MYO5A: variants seen among roughly 807,000 people sequenced by gnomAD.
The protein encoded by MYO5A is unconventional myosin-Va.
In MYO5A, 98 loss-of-function variants were observed where a neutral mutation model predicts 249.7. The observed-to-expected ratio is 0.39, with a 90% CI of 0.33 to 0.46. The LOEUF is 0.46. Among genes scored for constraint, MYO5A ranks in the 20% least tolerant of loss-of-function variants. MYO5A has a pLI of 0.98. For synonymous variants in MYO5A, 778 were observed against 810.6 expected (o/e 0.96, Z 0.68); for missense variants, 1,696 against 2,308.8 (o/e 0.73, Z 5.44).
intron 1 of MYO5A, among the ~76,000 whole-genome samples, chr15:52,472,095 TGA>T (rs1396826589): frequency 7.7e-6 from 1 of 129,038 alleles, no homozygotes; most frequent in East Asian, 2.3e-4. Flanking sequence ...TTTTTTTTTT[TGA>T]GATGGAGTCT....
intron 35 of MYO5A, 129 bp from the exon 36 acceptor site, chr15:52,328,135 G>A: frequency 1.3e-6 from 1 of 754,158 alleles, no homozygotes; most frequent in East Asian, 2.8e-5. Context: ...TATAAAAAGT[G>A]TATTTTAATA....
chr15:52,370,796 T>C (rs2041065358), intron 21 of MYO5A, among the ~76,000 whole-genome samples: 1 of 152,146 alleles, frequency 6.6e-6, no homozygotes. Context: ...TAGTGATGCG[T>C]ACGAATGATT....
chr15:52,348,422 G>A (rs1413190743), intron 29 of MYO5A, among the ~76,000 whole-genome samples: 1 of 152,174 alleles, frequency 6.6e-6, no homozygotes, highest in Non-Finnish European at 1.5e-5. Context: ...AGTGTGCTCA[G>A]CTCCTCAGGC....
chr15:52,369,915 C>T (rs938046875), intron 22 of MYO5A, among the ~76,000 whole-genome samples: 3 of 123,796 alleles, frequency 2.4e-5, no homozygotes, highest in Non-Finnish European at 4.8e-5. Context: ...TTAGTAGGTA[C>T]TTGGCCATTC....
rs775956371 is a variant in MYO5A, at chr15:52,376,374, C to T, written c.2393G>A (p.Arg798Lys). The stretch of plus-strand genomic sequence containing the variant: ...TCGGGCCTGGTAGCCCCGCACGTAT[C>T]TCTGCATGGTGATGGCTGCCTTCCG... ...RMRKAAITMQ[R>K]YVRGYQARCY... The change falls in exon 19 of 42, where the codon AGA (arginine) becomes AAA (lysine). Residue 798 changes from arginine to lysine, a missense_variant. By Grantham distance (26) the Arg-to-Lys change is conservative. Coordinates refer to ENST00000399233, the MANE Select transcript of MYO5A (RefSeq NM_001382347.1). 3 of 1,614,194 alleles carry T rather than the reference C, an allele frequency of 1.9e-6. No homozygotes were observed. The highest frequency in any genetic ancestry group is 2.2e-5 in the East Asian group (1 of 44,874).
intron 23 of MYO5A, among the ~76,000 whole-genome samples, chr15:52,365,838 A>C (rs1012157131): frequency 3.9e-5 from 6 of 152,228 alleles, no homozygotes; most frequent in Admixed American, 3.3e-4. Flanking sequence ...CTTTGTTCTT[A>C]CAGTTCACTT....
chr15:52,479,767 A>G (rs1346315183), intron 1 of MYO5A, among the ~76,000 whole-genome samples: 1 of 151,570 alleles, frequency 6.6e-6, no homozygotes, highest in East Asian at 1.9e-4. Context: ...CTCTTTGTGA[A>G]CCATACTGAA....
chr15:52,401,981 C>T (rs753984218), intron 9 of MYO5A, among the ~76,000 whole-genome samples: 5 of 152,160 alleles, frequency 3.3e-5, no homozygotes, highest in African/African-American at 7.2e-5. Flanking sequence ...TGCTATCTGT[C>T]GTTTCTCCTA....
At chr15:52,351,844 T>A (rs776661619) in intron 27 of MYO5A, among the ~76,000 whole-genome samples, 2 of 152,210 alleles carry the variant, frequency 1.3e-5, no homozygotes, top group Non-Finnish European at 2.9e-5. Context: ...ATGGGAAATC[T>A]GAGGGTCCAG....
chr15:52,366,766 TA>T (rs983761926), intron 23 of MYO5A, among the ~76,000 whole-genome samples: 9 of 151,506 alleles, frequency 5.9e-5, no homozygotes, highest in African/African-American at 2.2e-4. Context: ...AAATTAATTT[TA>T]AAAAAAAATT....
At position 52,311,306 on chromosome 15, in the gene MYO5A, A is replaced by C. The variant is rs566238919; in HGVS notation, c.*2390T>G. On this transcript the variant is annotated 3_prime_UTR_variant, in exon 42 of 42. Transcript: ENST00000399233. The stretch of plus-strand genomic sequence containing the variant: ...GGAGATTTCCAGGGCTGAGGCGGAC[A>C]GCCTGTACCACGTTGCATTTTCTTA... The C allele has an allele frequency of 6.6e-6, 1 of 152,362 alleles. No homozygotes were observed. The highest frequency in any genetic ancestry group is 2.4e-5 in the African/African-American group (1 of 41,582). 9.4% of individuals were successfully genotyped at this position (152,362 alleles called of 1,614,324 possible).
intron 1 of MYO5A, among the ~76,000 whole-genome samples, chr15:52,527,261 T>C (rs1051852595): frequency 2.0e-5 from 3 of 152,236 alleles, no homozygotes; most frequent in Non-Finnish European, 4.4e-5. Flanking sequence ...AAGTTCCTTA[T>C]GAGGATTATG....
chr15:52,405,963 T>A (rs2042986944), intron 8 of MYO5A, among the ~76,000 whole-genome samples: 1 of 152,188 alleles, frequency 6.6e-6, no homozygotes, highest in African/African-American at 2.4e-5. Context: ...CAAGTATAAG[T>A]CAAAGAGACG....
chr15:52,317,361 C>T, intron 39 of MYO5A, 139 bp from the exon 40 acceptor site: 1 of 789,306 alleles, frequency 1.3e-6, no homozygotes, highest in African/African-American at 1.7e-5. Flanking sequence ...TAAATCTCAT[C>T]AGCTGTGCTT....
chr15:52,382,525 C>T (rs145103413), intron 16 of MYO5A, among the ~76,000 whole-genome samples: 238 of 152,244 alleles, frequency 1.6e-3, no homozygotes, highest in African/African-American at 5.3e-3. Flanking sequence ...AAGCCGAGAT[C>T]GCGTTATTGC....
intron 15 of MYO5A, 139 bp downstream of exon 15, chr15:52,384,022 G>T: frequency 1.1e-6 from 1 of 950,268 alleles, no homozygotes; most frequent in Non-Finnish European, 1.6e-6. Context: ...TTTAGTGGAT[G>T]GTGTCGTATG....
intron 1 of MYO5A, among the ~76,000 whole-genome samples, chr15:52,526,620 T>C (rs1361853053): frequency 6.6e-6 from 1 of 152,140 alleles, no homozygotes; most frequent in Non-Finnish European, 1.5e-5. Flanking sequence ...CTCGGCAACG[T>C]GTTGGGATTA....
chr15:52,383,065 T>C, intron 16 of MYO5A, 26 bp downstream of exon 16: 3 of 1,559,784 alleles, frequency 1.9e-6, no homozygotes, highest in Non-Finnish European at 2.7e-6. Context: ...ATGTACTTTT[T>C]CACTGGGTGG....
chr15:52,528,942 CGCGGGGCGGGGCGGG>C (rs550600899), upstream of MYO5A: 4 of 666,002 alleles, frequency 6.0e-6, no homozygotes, highest in Non-Finnish European at 7.7e-6. Flanking sequence ...GGGAGGGCCG[CGCGGGGCGGGGCGGG>C]GCGGGGCGCC....
Sources: allele counts gnomAD v4.1 joint callset (sites outside exome capture counted in the v4.1 genomes callset), GRCh38; gene constraint gnomAD v4.1.1; transcripts MANE v1.5; gene names NCBI Gene and HGNC (gene_info 2026-07-23, HGNC 2026-07-21).